The following ZNF100 variants were observed in gnomAD, a reference collection of about 807,000 sequenced individuals.
ZNF100 encodes the protein zinc finger protein 100 (Y1).
A neutral mutation model predicts 15.8 loss-of-function variants in ZNF100; 12 were observed. The observed-to-expected ratio is 0.76, with a 90% CI of 0.49 to 1.23. The LOEUF (loss-of-function observed/expected upper bound fraction) is 1.23. Among genes scored for constraint, ZNF100 ranks in the 50% most tolerant of loss-of-function variants. The probability of loss-of-function intolerance (pLI) is 0.00; values close to 1 mark genes in which losing one functional copy is unlikely to be tolerated. For missense variants in ZNF100, 670 were observed against 635.6 expected, an observed-to-expected ratio of 1.05 and a Z score of -0.58; for synonymous variants, 226 against 214.8, an observed-to-expected ratio of 1.05 and a Z score of -0.45.
Position 21,726,831 on chromosome 19 carries a change from A to C in ZNF100, c.1481T>G (p.Phe494Cys). The change falls in exon 5 of 5, where the codon TTT becomes TGT. Residue 494 changes from phenylalanine (F) to cysteine (C), a missense_variant. Coordinates refer to ENST00000358296, the MANE Select transcript of ZNF100 (RefSeq NM_173531.4). ...PYKCEECGKA[F>C]NRSSTLTKHK... is the part of the protein sequence containing the mutation. ...TTTAGTAAGGGTTGAGGATCGGTTA[A>C]AAGCTTTGCCACATTCCTCACATTT... The C allele has an allele frequency of 1.2e-6, 2 of 1,613,576 alleles. No homozygotes were observed. Among genetic ancestry groups the C allele is most frequent in the Non-Finnish European group, 1.7e-6 (2 of 1,179,816 alleles).
chr19:21,750,768 G>A, intron 2 of ZNF100: 1 of 367,090 alleles, frequency 2.7e-6, no homozygotes, highest in South Asian at 9.2e-5. Context: ...CCATTGTTGG[G>A]GGAGGGGCGG....
chr19:21,752,311 C>T (rs2036321069), intron 2 of ZNF100: 1 of 152,670 alleles, frequency 6.6e-6, no homozygotes, highest in Admixed American at 6.5e-5. Context: ...TCTCCCCCTG[C>T]TCATTTTGCT....
At position 21,739,102 on chromosome 19, in the gene ZNF100, T is replaced by C. The variant is rs183827762; in HGVS notation, c.322+4915A>G. Among the ~76,000 whole-genome samples, 28 of 152,306 alleles carry C rather than the reference T, an allele frequency of 1.8e-4. No individual in the cohort carries two copies. In the East Asian group the frequency reaches 2.1e-3, roughly 12 times the overall value. On this transcript the variant is annotated intron_variant, in intron 4 of 4. Transcript: ENST00000358296. ...TCCCTACCAGGTTCCACATCCAACA[T>C]TGGGGATTACATCGCAGCATGAGGT...
rs115937223 is a variant in ZNF100 at position 21,757,991 on chromosome 19, T to G, written c.96+7703A>C. On this transcript the variant is annotated intron_variant, in intron 2 of 4. Transcript: ENST00000358296. The stretch of plus-strand genomic sequence containing the variant: ...GGTTGAGGCTGAAGTGAGCCACAAC[T>G]GTACTGCACTTCAGCCTGTGTGACA... 4.4e-3 allele frequency among the ~76,000 whole-genome samples: 664 copies of G among 152,084 alleles called. 1 individual carries two copies. Among genetic ancestry groups the G allele is most frequent in the African/African-American group, 0.015 (642 of 41,482 alleles).
chr19:21,727,382 A>T lies in ZNF100; in HGVS notation c.930T>A (p.Ile310=). The part of the protein sequence containing the change: ...RSSHLTTHKR[I]HTGVKPYKCT... ...ATTTGTAGGGTTTCACTCCAGTATG[A>T]ATTCTTTTATGTGTAGTAAGGTGTG... Residue 310 remains isoleucine (I), a synonymous_variant, in exon 5 of 5, where the codon ATT becomes ATA. Transcript: ENST00000358296. 3.1e-6 allele frequency: 5 copies of T among 1,613,016 alleles called. No individual in the cohort carries two copies. Among genetic ancestry groups the T allele is most frequent in the Non-Finnish European group, 4.2e-6 (5 of 1,179,786 alleles).
intron 4 of ZNF100, among the ~76,000 whole-genome samples, chr19:21,729,918 A>G (rs192537585): frequency 1.7e-3 from 254 of 152,180 alleles, no homozygotes; most frequent in Non-Finnish European, 3.0e-3. Flanking sequence ...ATATACTGTT[A>G]TATCTTTTAG....
rs1445965516 is a variant in ZNF100, at chr19:21,725,582, A to C, written c.*1101T>G. 3.3e-5 allele frequency: 5 copies of C among 152,160 alleles called. No homozygotes were observed. Among genetic ancestry groups the C allele is most frequent in the African/African-American group, 1.2e-4 (5 of 41,452 alleles). 9.4% of individuals were successfully genotyped at this position (152,160 alleles called of 1,614,324 possible). A position where few individuals can be genotyped will look rare whatever the true frequency, so the allele number is the denominator to read the frequency against. ...AAGAATCTCTCATATCTGATGCAGC[A>C]ACAATTGATCACATGCTTTCACATG... On this transcript the variant is annotated 3_prime_UTR_variant, in exon 5 of 5. Transcript: ENST00000358296.
At chr19:21,751,291 T>C in intron 2 of ZNF100, 1 of 993,216 alleles carries the variant, frequency 1.0e-6, no homozygotes, top group Non-Finnish European at 1.6e-6. Flanking sequence ...TAGAAATATA[T>C]TACCACATAA....
In ZNF100 at chr19:21,727,076, C is replaced by A. The variant is rs762516981; in HGVS notation, c.1236G>T (p.Trp412Cys). The change falls in exon 5 of 5, where the codon TGG becomes TGT. Residue 412 changes from tryptophan to cysteine, a missense_variant. Coordinates refer to ENST00000358296, the MANE Select transcript of ZNF100 (RefSeq NM_173531.4). ...TCTTATGTTTAGTGAGGGCTGAGGA[C>A]CAGTTAAAGCCTTTGCCGCATTCTT... ...KCEECGKGFN[W>C]SSALTKHKRI... 2.5e-6 allele frequency: 4 copies of A among 1,613,244 alleles called. No homozygotes were observed. Among genetic ancestry groups the A allele is most frequent in the Admixed American group, 1.7e-5 (1 of 59,910 alleles).
chr19:21,750,324 G>A (rs891973268), intron 2 of ZNF100, among the ~76,000 whole-genome samples: 4 of 152,018 alleles, frequency 2.6e-5, no homozygotes, highest in Non-Finnish European at 5.9e-5. Context: ...TGAGAAAAAG[G>A]GACTTCTTTT....
chr19:21,724,513 C>T lies in ZNF100; in HGVS notation c.*2170G>A, dbSNP rs1425178954. 6.6e-6 allele frequency: 1 copy of T among 152,070 alleles called. No homozygotes were observed. The highest frequency in any genetic ancestry group is 1.5e-5 in the Non-Finnish European group (1 of 67,998). The allele number at this position is 152,070 out of a possible 1,614,324, so 9.4% of individuals were successfully genotyped here. ...GGGATTTTATTATACTTCTACATAACTTTTATTATGACCATAAAAATAACA... is the reference window on the plus strand; with the variant it reads ...GGGATTTTATTATACTTCTACATAATTTTTATTATGACCATAAAAATAACA... On this transcript the variant is annotated 3_prime_UTR_variant, in exon 5 of 5. Transcript: ENST00000358296.
intron 2 of ZNF100, among the ~76,000 whole-genome samples, chr19:21,760,901 T>C (rs1030062361): frequency 6.6e-6 from 1 of 151,670 alleles, no homozygotes; most frequent in African/African-American, 2.4e-5. Context: ...GGACTACAGG[T>C]GCCCGCAACC....
intron 4 of ZNF100, among the ~76,000 whole-genome samples, chr19:21,741,575 A>G (rs1317296744): frequency 6.6e-6 from 1 of 151,952 alleles, no homozygotes; most frequent in Non-Finnish European, 1.5e-5. Flanking sequence ...GGGTTTCACC[A>G]TGTTGGTCAG....
chr19:21,741,654 C>G (rs956678006), intron 4 of ZNF100, among the ~76,000 whole-genome samples: 4 of 151,732 alleles, frequency 2.6e-5, no homozygotes, highest in African/African-American at 9.7e-5. Context: ...GGATTACAGG[C>G]ATGAGCCACC....
intron 2 of ZNF100, among the ~76,000 whole-genome samples, chr19:21,748,671 A>G (rs945266910): frequency 1.3e-5 from 2 of 152,144 alleles, no homozygotes; most frequent in African/African-American, 2.4e-5. Context: ...CTCAGAAGAC[A>G]CAACAATATA....
intron 2 of ZNF100, among the ~76,000 whole-genome samples, chr19:21,745,539 G>A (rs986826241): frequency 2.7e-5 from 4 of 150,260 alleles, no homozygotes; most frequent in African/African-American, 7.3e-5. Context: ...TTTCTGAGAC[G>A]GAGTCTCGCT....
intron 4 of ZNF100, among the ~76,000 whole-genome samples, chr19:21,728,796 A>G (rs1464117709): frequency 6.6e-6 from 1 of 152,060 alleles, no homozygotes; most frequent in Non-Finnish European, 1.5e-5. Context: ...AAAAGAAACT[A>G]TAAAAAAGAT....
At chr19:21,761,669 CTTTTT>C (rs78046056) in intron 2 of ZNF100, among the ~76,000 whole-genome samples, 10 of 151,214 alleles carry the variant, frequency 6.6e-5, no homozygotes, top group Admixed American at 2.0e-4. Flanking sequence ...AAGACTAAAA[CTTTTT>C]TTTTTTATGT....
At chr19:21,761,148 A>C (rs1408141980) in intron 2 of ZNF100, among the ~76,000 whole-genome samples, 1 of 152,166 alleles carries the variant, frequency 6.6e-6, no homozygotes, top group Non-Finnish European at 1.5e-5. Context: ...AACTAATAGA[A>C]GACTGAAGTA....
Sources: gnomAD v4.1 joint callset for allele counts (sites outside exome capture counted in the v4.1 genomes callset) on GRCh38, gnomAD v4.1.1 for gene constraint, MANE v1.5 for transcripts, NCBI Gene and HGNC (gene_info 2026-07-23, HGNC 2026-07-21) for gene names.